The following SLC29A3 variants were observed in gnomAD, a reference collection of about 807,000 sequenced individuals.
SLC29A3 encodes the protein solute carrier family 29 member 3, also known as equilibrative nucleoside transporter 3.
Under a neutral mutation model 25.4 loss-of-function variants are expected in SLC29A3, and 18 were observed. That is an observed-to-expected ratio of 0.71 (90% CI 0.49 to 1.05). The LOEUF is 1.05. Ranked by LOEUF, SLC29A3 falls within the 50% of genes least tolerant of loss-of-function variation. The pLI is 0.00. For missense variants in SLC29A3, 586 were observed against 609.0 expected (o/e 0.96, Z 0.40); for synonymous variants, 258 against 267.1 (o/e 0.97, Z 0.33).
At chr10:71,329,333 C>T (rs1846064840) in intron 2 of SLC29A3, among the ~76,000 whole-genome samples, 1 of 151,944 alleles carries the variant, frequency 6.6e-6, no homozygotes, top group South Asian at 2.1e-4. Flanking sequence ...CTGCGTGTGC[C>T]TGTAATCCCA....
At chr10:71,367,732 C>T (rs952320799), downstream of SLC29A3, among the ~76,000 whole-genome samples, 2 of 152,212 alleles carry the variant, frequency 1.3e-5, no homozygotes, top group Non-Finnish European at 2.9e-5. Flanking sequence ...AGCCAGCTGA[C>T]CCATTGGCCC....
intron 3 of SLC29A3, among the ~76,000 whole-genome samples, chr10:71,346,524 T>C (rs557565609): frequency 6.6e-6 from 1 of 152,266 alleles, no homozygotes; most frequent in South Asian, 2.1e-4. Context: ...TATAGCAAGA[T>C]ACTGTTTCTA....
At chr10:71,339,299 TGGG>T (rs1385416076) in intron 2 of SLC29A3, among the ~76,000 whole-genome samples, 1 of 152,222 alleles carries the variant, frequency 6.6e-6, no homozygotes. Flanking sequence ...CTTCCCCACC[TGGG>T]TTAACTGACT....
At chr10:71,335,029 C>T (rs1846211719) in intron 2 of SLC29A3, among the ~76,000 whole-genome samples, 1 of 148,120 alleles carries the variant, frequency 6.8e-6, no homozygotes, top group African/African-American at 2.5e-5. Context: ...TGAGCACATA[C>T]AAGCTGCTTG....
chr10:71,362,682 A>C lies in SLC29A3; in HGVS notation c.*74A>C, dbSNP rs780903357. On this transcript the variant is annotated 3_prime_UTR_variant, in exon 6 of 6. Transcript: ENST00000373189. ...AGAGAGTGCAGGAGGGCTGGGGGCC[A>C]TGGAGGAAAGGCCTAAAGTTTCACT... The C allele has an allele frequency of 3.1e-6, 5 of 1,597,544 alleles. No homozygotes were observed. Among genetic ancestry groups the C allele is most frequent in the Admixed American group, 1.7e-5 (1 of 59,626 alleles).
intron 1 of SLC29A3, among the ~76,000 whole-genome samples, chr10:71,320,820 C>T (rs1209145358): frequency 6.6e-6 from 1 of 152,184 alleles, no homozygotes; most frequent in Admixed American, 6.5e-5. Context: ...TGTGCCTGGG[C>T]CCCTCCCGAC....
At chr10:71,364,317 T>C (rs910433440), downstream of SLC29A3, 1 of 152,222 alleles carries the variant, frequency 6.6e-6, no homozygotes, top group African/African-American at 2.4e-5. Flanking sequence ...GGTTTGTTGC[T>C]AATAGTTGTG....
chr10:71,342,212 A>G (rs1011594176), intron 2 of SLC29A3, among the ~76,000 whole-genome samples: 3 of 151,880 alleles, frequency 2.0e-5, no homozygotes, highest in Non-Finnish European at 4.4e-5. Flanking sequence ...ATTGAATACA[A>G]CCCACCATGT....
Position 71,319,275 on chromosome 10 carries a change from C to T in SLC29A3, c.-35C>T, listed in dbSNP as rs1457949374. On this transcript the variant is annotated 5_prime_UTR_variant, in exon 1 of 6. Transcript: ENST00000373189. ...GCCAAGCCCAGTGGTCCTGGCCGTGCGCCGGAGGCAGCGGCGGCGTGGCGC... is the reference window on the plus strand; with the variant it reads ...GCCAAGCCCAGTGGTCCTGGCCGTGTGCCGGAGGCAGCGGCGGCGTGGCGC... 1.6e-6 allele frequency: 1 copy of T among 621,006 alleles called. No homozygotes were observed. Among genetic ancestry groups the T allele is most frequent in the Non-Finnish European group, 2.9e-6 (1 of 346,074 alleles). The allele number at this position is 621,006 out of a possible 1,614,324, so 38.5% of individuals were successfully genotyped here.
chr10:71,377,667 T>C lies in SLC29A3; in HGVS notation c.*211+1856T>C, dbSNP rs559711343. 5.4e-4 allele frequency among the ~76,000 whole-genome samples: 83 copies of C among 152,300 alleles called. 1 individual carries two copies. The highest frequency in any genetic ancestry group is 3.7e-3 in the South Asian group (18 of 4,820). On this transcript the variant is annotated intron_variant and NMD_transcript_variant, in intron 4 of 4. Transcript: ENST00000642772. The stretch of plus-strand genomic sequence containing the variant: ...CGACCTGCCAATTTTGGAAGCGGCT[T>C]TTTGTTTTGTCCCCAGATCACTCAT...
intron 2 of SLC29A3, among the ~76,000 whole-genome samples, chr10:71,333,133 C>G (rs1846160060): frequency 6.6e-6 from 1 of 152,222 alleles, no homozygotes; most frequent in South Asian, 2.1e-4. Context: ...AGAGCGGAAC[C>G]TAAATTAGAG....
intron 1 of SLC29A3, chr10:71,319,571 G>A (rs971092736): frequency 8.4e-5 from 33 of 394,044 alleles, no homozygotes; most frequent in African/African-American, 4.2e-4. Flanking sequence ...CCGCCTGTAT[G>A]GTGGGGGCCT....
chr10:71,363,788 T>G (rs1311575375), downstream of SLC29A3, among the ~76,000 whole-genome samples: 2 of 56,682 alleles, frequency 3.5e-5, no homozygotes, highest in African/African-American at 9.0e-5. Flanking sequence ...TGAGGATTTT[T>G]TTTTCTTTTT....
At chr10:71,378,095 T>TGGG (rs35084756) in intron 4 of SLC29A3, among the ~76,000 whole-genome samples, 273 of 112,814 alleles carry the variant, frequency 2.4e-3, no homozygotes, top group Non-Finnish European at 3.7e-3. Context: ...TAGACAATGT[T>TGGG]GGGGGGGGGG....
intron 3 of SLC29A3, among the ~76,000 whole-genome samples, chr10:71,350,920 C>T (rs1450507888): frequency 2.0e-5 from 3 of 152,172 alleles, no homozygotes; most frequent in Non-Finnish European, 4.4e-5. Flanking sequence ...TCTTACAGAA[C>T]CGGTGTAACA....
At chr10:71,320,670 T>A (rs548470921) in intron 1 of SLC29A3, among the ~76,000 whole-genome samples, 4 of 152,276 alleles carry the variant, frequency 2.6e-5, no homozygotes, top group African/African-American at 9.6e-5. Flanking sequence ...AAAATAGACT[T>A]GCTGGCTGGA....
At chr10:71,350,279 C>A (rs1333201253) in intron 3 of SLC29A3, among the ~76,000 whole-genome samples, 2 of 150,308 alleles carry the variant, frequency 1.3e-5, no homozygotes, top group Non-Finnish European at 3.0e-5. Context: ...GAAAAAATTC[C>A]TTTCTTGCTT....
intron 5 of SLC29A3, among the ~76,000 whole-genome samples, chr10:71,361,634 T>C (rs1190755418): frequency 6.6e-6 from 1 of 152,222 alleles, no homozygotes; most frequent in African/African-American, 2.4e-5. Context: ...CTATTTTACC[T>C]CTACTCTCCT....
intron 2 of SLC29A3, among the ~76,000 whole-genome samples, chr10:71,339,105 T>A (rs1010282985): frequency 2.0e-5 from 3 of 152,242 alleles, no homozygotes; most frequent in Admixed American, 6.5e-5. Flanking sequence ...GACCTCTGTG[T>A]ACCTCTGGGA....
Sources: gnomAD v4.1 joint callset for allele counts (sites outside exome capture counted in the v4.1 genomes callset) on GRCh38, gnomAD v4.1.1 for gene constraint, MANE v1.5 for transcripts, NCBI Gene and HGNC (gene_info 2026-07-23, HGNC 2026-07-21) for gene names.